The following NEBL variants were observed in gnomAD, a reference collection of about 807,000 sequenced individuals.
NEBL encodes the protein nebulette.
In NEBL, 122 loss-of-function variants were observed where a neutral mutation model predicts 140.2. The ratio of observed to expected loss-of-function variants is 0.87; its 90% CI spans 0.75 to 1.01. The LOEUF (loss-of-function observed/expected upper bound fraction) is 1.01, where lower values mean the gene tolerates loss of function less well. NEBL is among the 50% of genes least tolerant of loss of function. NEBL has a pLI of 0.00. For missense variants in NEBL, 1,365 were observed against 1,231.3 expected (o/e 1.11, Z -1.62); for synonymous variants, 436 against 398.9 (o/e 1.09, Z -1.11).
At chr10:21,093,956 G>T (rs1837042143) in intron 2 of NEBL, among the ~76,000 whole-genome samples, 1 of 152,194 alleles carries the variant, frequency 6.6e-6, no homozygotes, top group Non-Finnish European at 1.5e-5. Context: ...TTTTGTGAAA[G>T]ACTATTTTCC....
At chr10:20,908,070 G>A (rs939069549) in intron 4 of NEBL, among the ~76,000 whole-genome samples, 25 of 152,290 alleles carry the variant, frequency 1.6e-4, no homozygotes, top group African/African-American at 4.8e-4. Flanking sequence ...CAGGTACCGA[G>A]AAAAGGTACC....
At chr10:20,891,887 A>G (rs1564425937) in intron 2 of NEBL, among the ~76,000 whole-genome samples, 2 of 152,222 alleles carry the variant, frequency 1.3e-5, no homozygotes, top group East Asian at 1.9e-4. Context: ...TTTTAAATAC[A>G]TAAGGAATAT....
intron 2 of NEBL, among the ~76,000 whole-genome samples, chr10:21,109,738 G>C (rs1268718955): frequency 6.6e-6 from 1 of 152,136 alleles, no homozygotes; most frequent in African/African-American, 2.4e-5. Context: ...GAGAATGTAT[G>C]TGTCCAGGAA....
chr10:21,112,059 A>T (rs928234185), intron 2 of NEBL, among the ~76,000 whole-genome samples: 1 of 152,250 alleles, frequency 6.6e-6, no homozygotes, highest in Admixed American at 6.5e-5. Context: ...CACGCCAGTT[A>T]GAATGGCGAT....
chr10:20,837,083 CT>C (rs1840973384), intron 13 of NEBL, among the ~76,000 whole-genome samples: 1 of 152,070 alleles, frequency 6.6e-6, no homozygotes, highest in Non-Finnish European at 1.5e-5. Context: ...ACAATGGCCC[CT>C]AGATGGTCAA....
intron 24 of NEBL, 67 bp from the exon 25 acceptor site, chr10:20,809,965 A>AAAGCC: frequency 8.4e-7 from 1 of 1,188,364 alleles, no homozygotes; most frequent in East Asian, 2.4e-5. Context: ...AAAAAAAAAA[A>AAAGCC]AGCCAGTACC....
intron 2 of NEBL, among the ~76,000 whole-genome samples, chr10:21,082,567 T>G (rs1189248604): frequency 4.7e-5 from 5 of 106,878 alleles, no homozygotes; most frequent in Non-Finnish European, 9.4e-5. Context: ...AAAAAAAAAT[T>G]AAGACTGTGT....
At chr10:21,256,003 A>T (rs1023896785) in intron 1 of NEBL, among the ~76,000 whole-genome samples, 12 of 151,988 alleles carry the variant, frequency 7.9e-5, no homozygotes, top group East Asian at 3.9e-4. Context: ...AGAAAAAGAA[A>T]AAAAAGGATT....
intron 4 of NEBL, among the ~76,000 whole-genome samples, chr10:20,938,189 C>G (rs1165990500): frequency 6.6e-6 from 1 of 152,212 alleles, no homozygotes; most frequent in Non-Finnish European, 1.5e-5. Flanking sequence ...AGGCACCCCC[C>G]AGTAGGGGCA....
At chr10:20,897,591 C>A (rs1251634243), upstream of NEBL, 2 of 1,026,532 alleles carry the variant, frequency 1.9e-6, no homozygotes, top group Non-Finnish European at 2.4e-6. Flanking sequence ...CTACTCAGCT[C>A]TAACACTCAA....
At chr10:21,082,421 G>C (rs1173690712) in intron 2 of NEBL, among the ~76,000 whole-genome samples, 1 of 151,616 alleles carries the variant, frequency 6.6e-6, no homozygotes. Flanking sequence ...TAAAATATTT[G>C]GCAATGAGGA....
chr10:21,262,713 G>A (rs1842754910), intron 1 of NEBL, among the ~76,000 whole-genome samples: 1 of 152,138 alleles, frequency 6.6e-6, no homozygotes, highest in Non-Finnish European at 1.5e-5. Context: ...TTGAGCCTAG[G>A]GTCCGGCCCC....
intron 19 of NEBL, among the ~76,000 whole-genome samples, chr10:20,820,891 C>T (rs889146066): frequency 2.6e-5 from 4 of 151,890 alleles, no homozygotes; most frequent in African/African-American, 7.3e-5. Context: ...GATGCATACT[C>T]TTAGTAGTGA....
chr10:20,841,126 T>C (rs922898797), intron 12 of NEBL, among the ~76,000 whole-genome samples: 1 of 152,082 alleles, frequency 6.6e-6, no homozygotes, highest in African/African-American at 2.4e-5. Context: ...ATCTTCTCTT[T>C]CAATGGTGAG....
chr10:20,848,071 C>T (rs1032835200), intron 11 of NEBL, among the ~76,000 whole-genome samples: 17 of 152,106 alleles, frequency 1.1e-4, no homozygotes, highest in African/African-American at 3.9e-4. Flanking sequence ...CTCCTGAAAA[C>T]AGAAACCTTT....
intron 27 of NEBL, 78 bp downstream of exon 27, chr10:20,787,124 T>C: frequency 9.3e-7 from 1 of 1,076,472 alleles, no homozygotes; most frequent in Non-Finnish European, 1.4e-6. Flanking sequence ...TCAATTCAAC[T>C]CTATTCCACA....
chr10:20,801,924 C>T (rs888221013), intron 26 of NEBL, among the ~76,000 whole-genome samples: 4 of 152,164 alleles, frequency 2.6e-5, no homozygotes, highest in Admixed American at 2.6e-4. Context: ...AGGGCTAGGC[C>T]ATCCCCATAA....
At chr10:21,201,054 T>G (rs1841727352) in intron 3 of NEBL, among the ~76,000 whole-genome samples, 1 of 151,732 alleles carries the variant, frequency 6.6e-6, no homozygotes. Context: ...GCACCCAGCC[T>G]GAGTGACAGA....
intron 26 of NEBL, among the ~76,000 whole-genome samples, chr10:20,798,829 C>T (rs150276039): frequency 6.6e-5 from 10 of 152,256 alleles, no homozygotes; most frequent in Admixed American, 2.0e-4. Flanking sequence ...CTTGGCACAT[C>T]GATGAAAGAC....
Sources: allele counts gnomAD v4.1 joint callset (sites outside exome capture counted in the v4.1 genomes callset), GRCh38; gene constraint gnomAD v4.1.1; transcripts MANE v1.5; gene names NCBI Gene and HGNC (gene_info 2026-07-23, HGNC 2026-07-21).